The following DNAJC1 variants were observed in gnomAD, a reference collection of about 807,000 sequenced individuals.
The protein encoded by DNAJC1 is DnaJ heat shock protein family (Hsp40) member C1, also known as dnaJ homolog subfamily C member 1.
In DNAJC1, 58 loss-of-function variants were observed where a neutral mutation model predicts 76.6. The ratio of observed to expected loss-of-function variants is 0.76; its 90% CI spans 0.61 to 0.94. The LOEUF is 0.94. Among genes scored for constraint, DNAJC1 ranks in the 40% least tolerant of loss-of-function variants. The pLI is 0.00. For missense variants in DNAJC1, 689 were observed against 677.3 expected (o/e 1.02, Z -0.19); for synonymous variants, 258 against 267.9 (o/e 0.96, Z 0.36).
chr10:21,825,133 A>G (rs1835226769), intron 8 of DNAJC1, among the ~76,000 whole-genome samples: 1 of 152,164 alleles, frequency 6.6e-6, no homozygotes, highest in South Asian at 2.1e-4. Flanking sequence ...AAGTACATTC[A>G]TATTGTTGTA....
intron 6 of DNAJC1, among the ~76,000 whole-genome samples, chr10:21,911,105 C>T (rs1312147270): frequency 2.0e-5 from 3 of 147,884 alleles, no homozygotes; most frequent in South Asian, 2.2e-4. Context: ...GGCGGGAAGG[C>T]GGGCAGGCGG....
intron 8 of DNAJC1, chr10:21,860,730 CAAACAAAA>C (rs1564810457): frequency 1.9e-5 from 2 of 107,132 alleles, no homozygotes; most frequent in Non-Finnish European, 3.7e-5. Context: ...AACAAACAAA[CAAACAAAA>C]CGTACCTAGA....
intron 8 of DNAJC1, among the ~76,000 whole-genome samples, chr10:21,829,171 C>A (rs1835313083): frequency 6.6e-6 from 1 of 151,708 alleles, no homozygotes; most frequent in African/African-American, 2.4e-5. Flanking sequence ...GCTGGAACTA[C>A]AGGAATGAGT....
intron 10 of DNAJC1, among the ~76,000 whole-genome samples, chr10:21,760,173 C>T (rs979275056): frequency 3.9e-5 from 6 of 152,156 alleles, no homozygotes; most frequent in African/African-American, 1.4e-4. Context: ...TTCCTAGCTA[C>T]TAGGGAGGCT....
intron 7 of DNAJC1, among the ~76,000 whole-genome samples, chr10:21,898,685 A>T (rs1053377163): frequency 1.3e-4 from 19 of 151,810 alleles, no homozygotes; most frequent in African/African-American, 4.6e-4. Context: ...CCCAAGTAGC[A>T]GGCATTATAG....
At chr10:21,783,190 A>T (rs1195107648) in intron 9 of DNAJC1, among the ~76,000 whole-genome samples, 1 of 152,246 alleles carries the variant, frequency 6.6e-6, no homozygotes, top group Non-Finnish European at 1.5e-5. Context: ...ACTGATAAGC[A>T]ACTTCAGCAA....
chr10:21,832,854 C>T (rs549916403), intron 8 of DNAJC1, among the ~76,000 whole-genome samples: 42 of 152,146 alleles, frequency 2.8e-4, no homozygotes, highest in Non-Finnish European at 5.1e-4. Flanking sequence ...GATTTGGCTG[C>T]GACCTACTTT....
chr10:21,805,843 T>C (rs1834876729), intron 9 of DNAJC1, 137 bp downstream of exon 9: 1 of 1,069,194 alleles, frequency 9.4e-7, no homozygotes, highest in Non-Finnish European at 1.4e-6. Context: ...ATTGCATTAA[T>C]GGTTCACTTT....
chr10:21,801,027 T>C (rs1399122758), intron 9 of DNAJC1, among the ~76,000 whole-genome samples: 1 of 152,210 alleles, frequency 6.6e-6, no homozygotes, highest in African/African-American at 2.4e-5. Context: ...AACAACTGTG[T>C]CACCTTGAAC....
chr10:21,900,718 A>AC (rs1831541982), intron 7 of DNAJC1, among the ~76,000 whole-genome samples: 1 of 152,208 alleles, frequency 6.6e-6, no homozygotes, highest in Non-Finnish European at 1.5e-5. Context: ...GAAATGGCAT[A>AC]AGGTACAGAG....
At chr10:21,825,789 C>A (rs1835238820) in intron 8 of DNAJC1, among the ~76,000 whole-genome samples, 1 of 152,104 alleles carries the variant, frequency 6.6e-6, no homozygotes, top group Non-Finnish European at 1.5e-5. Flanking sequence ...ATGTTGAATA[C>A]CTTTTCATGT....
intron 9 of DNAJC1, among the ~76,000 whole-genome samples, chr10:21,779,906 T>C (rs1165397966): frequency 1.3e-5 from 2 of 152,112 alleles, no homozygotes; most frequent in African/African-American, 2.4e-5. Context: ...TTCAATGACC[T>C]GATGGAGCTG....
intron 8 of DNAJC1, among the ~76,000 whole-genome samples, chr10:21,820,259 C>G (rs1221272278): frequency 6.6e-6 from 1 of 152,078 alleles, no homozygotes; most frequent in African/African-American, 2.4e-5. Flanking sequence ...TACTTCATTT[C>G]TTTTTACTGC....
At chr10:21,856,527 A>G (rs1360787009) in intron 8 of DNAJC1, among the ~76,000 whole-genome samples, 3 of 152,286 alleles carry the variant, frequency 2.0e-5, no homozygotes, top group East Asian at 3.9e-4. Context: ...GCTTGAAATC[A>G]GCCACGGTGG....
At chr10:21,991,103 T>C (rs1217347420) in intron 1 of DNAJC1, among the ~76,000 whole-genome samples, 1 of 152,156 alleles carries the variant, frequency 6.6e-6, no homozygotes. Context: ...TAATTAAAGA[T>C]ACTATAATAA....
intron 8 of DNAJC1, among the ~76,000 whole-genome samples, chr10:21,847,806 G>A (rs990622417): frequency 1.3e-5 from 2 of 152,086 alleles, no homozygotes; most frequent in Admixed American, 1.3e-4. Context: ...TCCATTGAGT[G>A]TGTGTCCATA....
intron 1 of DNAJC1, among the ~76,000 whole-genome samples, chr10:21,971,158 C>T (rs1837970846): frequency 6.6e-6 from 1 of 151,662 alleles, no homozygotes; most frequent in Non-Finnish European, 1.5e-5. Flanking sequence ...TATATAATAA[C>T]TATCTAATCT....
intron 8 of DNAJC1, among the ~76,000 whole-genome samples, chr10:21,828,063 G>A (rs892685488): frequency 1.3e-5 from 2 of 152,190 alleles, no homozygotes; most frequent in East Asian, 3.8e-4. Context: ...CAGCGTCAAT[G>A]AGAGAACCTC....
At chr10:21,813,923 AT>A (rs1242564101) in intron 8 of DNAJC1, among the ~76,000 whole-genome samples, 1 of 152,212 alleles carries the variant, frequency 6.6e-6, no homozygotes, top group African/African-American at 2.4e-5. Context: ...GCTGTGAGTA[AT>A]AAACTGCCCT....
Sources: allele counts gnomAD v4.1 joint callset (sites outside exome capture counted in the v4.1 genomes callset), GRCh38; gene constraint gnomAD v4.1.1; transcripts MANE v1.5; gene names NCBI Gene and HGNC (gene_info 2026-07-23, HGNC 2026-07-21).